HR: variants seen among roughly 807,000 people sequenced by gnomAD.
The protein encoded by HR is HR lysine demethylase and nuclear receptor corepressor.
Under a neutral mutation model 128.6 loss-of-function variants are expected in HR, and 83 were observed. The ratio of observed to expected loss-of-function variants is 0.65; its 90% CI spans 0.54 to 0.77. The LOEUF (loss-of-function observed/expected upper bound fraction) is 0.77. Ranked by LOEUF, HR falls within the 30% of genes least tolerant of loss-of-function variation. HR has a pLI of 0.00. For missense variants in HR, 1,490 were observed against 1,574.6 expected (o/e 0.95, Z 0.91); for synonymous variants, 681 against 658.2 (o/e 1.03, Z -0.53).
intron 6 of HR, 32 bp downstream of exon 6, chr8:22,123,617 T>TAGCCCC: frequency 3.4e-6 from 1 of 292,092 alleles, no homozygotes; most frequent in Non-Finnish European, 6.2e-6. Flanking sequence ...GAGGGCTCCA[T>TAGCCCC]CCCGCCCTCC....
intron 3 of HR, 39 bp downstream of exon 3, chr8:22,126,998 C>G: frequency 6.3e-7 from 1 of 1,587,202 alleles, no homozygotes. Context: ...CGGCTGCCCC[C>G]TCCCACGCAG....
Position 22,125,035 on chromosome 8 carries a change from G to A in HR, c.1750+276C>T, listed in dbSNP as rs532737712. On this transcript the variant is annotated intron_variant, in intron 5 of 18. Coordinates refer to ENST00000381418, the MANE Select transcript of HR (RefSeq NM_005144.5). ...CAGGTCCTGTCAGCCCTCCAGGCCC[G>A]GGAGCTTCGCCTGACCCCCAAGCCC... 5.3e-4 allele frequency among the ~76,000 whole-genome samples: 81 copies of A among 152,316 alleles called. 1 individual carries two copies. The highest frequency in any genetic ancestry group is 1.9e-3 in the African/African-American group (79 of 41,570).
In HR at chr8:22,118,713, A is replaced by T. The variant is rs922447475; in HGVS notation, c.3213+237T>A. 2.1e-5 allele frequency: 12 copies of T among 579,996 alleles called. No individual in the cohort carries two copies. In the African/African-American group the frequency reaches 2.2e-4, roughly 11 times the overall value. The allele number at this position is 579,996 out of a possible 1,614,324, so 35.9% of individuals were successfully genotyped here. ...CCAGCCTCGGGCAGCTGGTGCTCTC[A>T]TTTCATCATCGGGTCCAGGCTCTCC... On this transcript the variant is annotated intron_variant, in intron 16 of 18. Transcript: ENST00000381418.
In HR at chr8:22,122,625, G is replaced by A. The variant is rs1259102340; in HGVS notation, c.2006-17C>T. 6.9e-7 allele frequency: 1 copy of A among 1,448,894 alleles called. No homozygotes were observed. The highest frequency in any genetic ancestry group is 1.2e-5 in the South Asian group (1 of 86,322). 89.8% of individuals were successfully genotyped at this position (1,448,894 alleles called of 1,614,324 possible). Reference sequence around the variant, plus strand: ...CTGCCAAAGCTGGGGGTGGGGGTGGGCAGGAGAGGGAGGTTGGTGGTGAGT... The same window carrying A: ...CTGCCAAAGCTGGGGGTGGGGGTGGACAGGAGAGGGAGGTTGGTGGTGAGT... On this transcript the variant is annotated splice_polypyrimidine_tract_variant and intron_variant, in intron 7 of 18. Coordinates refer to ENST00000381418, the MANE Select transcript of HR (RefSeq NM_005144.5).
At chr8:22,128,234 T>G in intron 2 of HR, 1 of 519,554 alleles carries the variant, frequency 1.9e-6, no homozygotes, top group Non-Finnish European at 3.5e-6. Context: ...CAGTCTCAGA[T>G]AGAGGGCCCT....
chr8:22,115,480 G>T lies in HR; in HGVS notation c.*220C>A. 1 of 621,932 alleles carries T rather than the reference G, an allele frequency of 1.6e-6. No homozygotes were observed. Among genetic ancestry groups the T allele is most frequent in the East Asian group, 2.8e-5 (1 of 36,148 alleles). 38.5% of individuals were successfully genotyped at this position (621,932 alleles called of 1,614,324 possible). A position where few individuals can be genotyped will look rare whatever the true frequency, so the allele number is the denominator to read the frequency against. On this transcript the variant is annotated 3_prime_UTR_variant, in exon 19 of 19. Transcript: ENST00000381418. ...ACCATGAAAAGGGGCACAGGGTGGG[G>T]GAGATGCCAGCCTGAGAAGGACAGG...
In HR at chr8:22,119,793, G is replaced by C. The variant is rs775199027; in HGVS notation, c.2944C>G (p.Arg982Gly). 6.2e-7 allele frequency: 1 copy of C among 1,613,408 alleles called. No individual in the cohort carries two copies. The highest frequency in any genetic ancestry group is 1.7e-5 in the Admixed American group (1 of 60,000). The change falls in exon 14 of 19, where the codon CGT becomes GGT. Residue 982 changes from arginine to glycine, a missense_variant. By Grantham distance (125) the Arg-to-Gly change is moderately radical. Coordinates refer to ENST00000381418, the MANE Select transcript of HR (RefSeq NM_005144.5). ...ASYLPPGLAL[R>G]PLEPQLWAAY... The stretch of plus-strand genomic sequence containing the variant: ...GCCCAGAGCTGGGGCTCCAGTGGAC[G>C]CAGGGCAAGGCCCGGTGGGAGGTAG...
chr8:22,125,403 C>G lies in HR; in HGVS notation c.1658G>C (p.Gly553Ala). 1 of 1,612,294 alleles carries G rather than the reference C, an allele frequency of 6.2e-7. No homozygotes were observed. Among genetic ancestry groups the G allele is most frequent in the Non-Finnish European group, 8.5e-7 (1 of 1,179,702 alleles). ...ACCACTGAGCAGGTGCTTGGCGAGG[C>G]CTGTGCTGAGCCGGCTGTCAGGGCC... ...GSGPDSRLST[G>A]LAKHLLSGLG... The change falls in exon 5 of 19, where the codon GGC becomes GCC. Residue 553 changes from glycine to alanine, a missense_variant. By Grantham distance (60) the Gly-to-Ala change is moderately conservative (BLOSUM62 0). Coordinates refer to ENST00000381418, the MANE Select transcript of HR (RefSeq NM_005144.5).
At chr8:22,123,358 C>T (rs1826802948) in intron 6 of HR, among the ~76,000 whole-genome samples, 1 of 151,844 alleles carries the variant, frequency 6.6e-6, no homozygotes, top group Non-Finnish European at 1.5e-5. Context: ...AGCAGTAATA[C>T]CCACTTCACA....
intron 9 of HR, 108 bp from the exon 10 acceptor site, chr8:22,121,336 T>C (rs1586375965): frequency 1.4e-6 from 2 of 1,409,740 alleles, no homozygotes; most frequent in Non-Finnish European, 2.0e-6. Context: ...GAGCCCACTC[T>C]CCCCAGCCAG....
chr8:22,123,617 T>TGTGGGGG, intron 6 of HR, 32 bp downstream of exon 6: 9 of 292,088 alleles, frequency 3.1e-5, no homozygotes, highest in Non-Finnish European at 4.4e-5. Context: ...GAGGGCTCCA[T>TGTGGGGG]CCCGCCCTCC....
rs79451585 is a variant in HR at position 22,126,811 on chromosome 8, C to T, written c.1405+226G>A. 4.7e-3 allele frequency among the ~76,000 whole-genome samples: 719 copies of T among 152,316 alleles called. 8 individuals are homozygous for T. Among genetic ancestry groups the T allele is most frequent in the African/African-American group, 0.017 (694 of 41,558 alleles). Reference sequence around the variant, plus strand: ...TGCTCTGAACTATGTCATTATACTGCCACCAACACACCAGGGCTTGGGAGG... The same window carrying T: ...TGCTCTGAACTATGTCATTATACTGTCACCAACACACCAGGGCTTGGGAGG... On this transcript the variant is annotated intron_variant, in intron 3 of 18. Transcript: ENST00000381418.
In HR at chr8:22,121,645, C is replaced by T. The variant is rs756126321; in HGVS notation, c.2171G>A (p.Gly724Asp). ...GATGCTCTTGGTCCTGTGGGTGTCG[C>T]CATTGCAGGAAGGTTGTGGAGTTGG... ...TPPTPQPSCN[G>D]DTHRTKSIKE... Residue 724 changes from glycine to aspartate, a missense_variant, in exon 9 of 19, where the codon GGC (glycine) becomes GAC (aspartate). Gly to Asp is a moderately conservative substitution (Grantham distance 94). This residue lies in a region of HR where 1,060 missense variants were observed against 1,060.9 expected (regional missense o/e 1.00). Transcript: ENST00000381418. 2 of 1,614,138 alleles carry T rather than the reference C, an allele frequency of 1.2e-6. No homozygotes were observed. Among genetic ancestry groups the T allele is most frequent in the Non-Finnish European group, 1.7e-6 (2 of 1,180,024 alleles).
intron 8 of HR, 67 bp from the exon 9 acceptor site, chr8:22,121,761 AGAACCCACAAGAAT>A: frequency 6.9e-7 from 1 of 1,453,456 alleles, no homozygotes; most frequent in South Asian, 1.2e-5. Context: ...ACAATTCAAC[AGAACCCACAAGAAT>A]GAACAATGGA....
chr8:22,128,640 A>G lies in HR; in HGVS notation c.531T>C (p.Cys177=). Residue 177 remains cysteine, a synonymous_variant, in exon 2 of 19, where the codon TGT becomes TGC. Coordinates refer to ENST00000381418, the MANE Select transcript of HR (RefSeq NM_005144.5). Reference sequence around the variant, plus strand: ...AGGGGTGCGGGGTCAGGGGCCAGTCACATGGATGCTCTGGGGGCAGGCCAG... The same window carrying G: ...AGGGGTGCGGGGTCAGGGGCCAGTCGCATGGATGCTCTGGGGGCAGGCCAG... ...LVSGLPPEHP[C]DWPLTPHPWV... 6.3e-7 allele frequency: 1 copy of G among 1,596,966 alleles called. No homozygotes were observed. Among genetic ancestry groups the G allele is most frequent in the Non-Finnish European group, 8.5e-7 (1 of 1,172,712 alleles).
Position 22,127,323 on chromosome 8 carries a change from G to A in HR, c.1119C>T (p.Pro373=). Residue 373 remains proline, a synonymous_variant, in exon 3 of 19, where the codon CCC becomes CCT. Coordinates refer to ENST00000381418, the MANE Select transcript of HR (RefSeq NM_005144.5). ...TCTTCTTCAGCTTGGTGTGGTGGCT[G>A]GGGGGACAGGCCCTGGGGCCAGAGG... ...NKASGPRACP[P]SHHTKLKKTW... is the part of the protein sequence containing the mutation. 4 of 1,613,398 alleles carry A rather than the reference G, an allele frequency of 2.5e-6. No individual in the cohort carries two copies. Among genetic ancestry groups the A allele is most frequent in the African/African-American group, 1.3e-5 (1 of 75,062 alleles).
intron 6 of HR, 32 bp downstream of exon 6, chr8:22,123,617 T>TGGGGGGGGGCCCC: frequency 2.7e-5 from 8 of 292,086 alleles, no homozygotes; most frequent in Non-Finnish European, 5.0e-5. Flanking sequence ...GAGGGCTCCA[T>TGGGGGGGGGCCCC]CCCGCCCTCC....
intron 2 of HR, chr8:22,128,275 G>A (rs549578434): frequency 1.8e-6 from 1 of 562,566 alleles, no homozygotes; most frequent in East Asian, 3.1e-5. Context: ...CCCAGGACAA[G>A]CCACACATTC....
Position 22,117,259 on chromosome 8 carries a change from T to G in HR, c.3214-220A>C, listed in dbSNP as rs1385269878. ...TGGAAGGAGCTTAGAAGGAAGGGATTCAAGGCCCTACAGTTGGGCAGACTG... is the reference window on the plus strand; with the variant it reads ...TGGAAGGAGCTTAGAAGGAAGGGATGCAAGGCCCTACAGTTGGGCAGACTG... On this transcript the variant is annotated intron_variant, in intron 16 of 18. Transcript: ENST00000381418. 5.6e-6 allele frequency: 3 copies of G among 539,912 alleles called. No individual in the cohort carries two copies. The African/African-American group carries it at 5.9e-5, about 11-fold the overall frequency. The allele number at this position is 539,912 out of a possible 1,614,324, so 33.4% of individuals were successfully genotyped here.
Sources: allele counts gnomAD v4.1 joint callset (sites outside exome capture counted in the v4.1 genomes callset), GRCh38; gene constraint gnomAD v4.1.1; regional missense constraint gnomAD v4.1.1; transcripts MANE v1.5; gene names NCBI Gene and HGNC (gene_info 2026-07-23, HGNC 2026-07-21).